CHD9: variants seen among roughly 807,000 people sequenced by gnomAD.
CHD9 encodes the protein ATP-dependent chromatin remodeler CHD9.
A neutral mutation model predicts 316.1 loss-of-function variants in CHD9; 77 were observed. The ratio of observed to expected loss-of-function variants is 0.24; its 90% CI spans 0.20 to 0.29. CHD9 has a LOEUF of 0.29. Among genes scored for constraint, CHD9 ranks in the 10% least tolerant of loss-of-function variants. The pLI is 1.00. For synonymous variants in CHD9, 1,129 were observed against 1,158.3 expected (o/e 0.97, Z 0.51); for missense variants, 2,763 against 3,438.1 (o/e 0.80, Z 4.91).
intron 1 of CHD9, among the ~76,000 whole-genome samples, chr16:53,149,172 A>T (rs1003683508): frequency 6.6e-6 from 1 of 152,196 alleles, no homozygotes; most frequent in South Asian, 2.1e-4. Context: ...TTTGTGGCCT[A>T]CCATATGGCC....
intron 2 of CHD9, among the ~76,000 whole-genome samples, chr16:53,161,276 TTAAA>T (rs1156743126): frequency 6.6e-6 from 1 of 152,204 alleles, no homozygotes; most frequent in Non-Finnish European, 1.5e-5. Flanking sequence ...GTCACACATC[TTAAA>T]TATATGAAAT....
chr16:53,265,774 TTAAC>T (rs1284143602), intron 20 of CHD9, among the ~76,000 whole-genome samples: 1 of 152,138 alleles, frequency 6.6e-6, no homozygotes, highest in East Asian at 1.9e-4. Context: ...ATTGGCATAT[TTAAC>T]TATACAAGAC....
chr16:53,297,337 A>G (rs1221042701), intron 30 of CHD9, among the ~76,000 whole-genome samples, 179 bp downstream of exon 30: 1 of 152,240 alleles, frequency 6.6e-6, no homozygotes, highest in Non-Finnish European at 1.5e-5. Context: ...TAATCCTGCT[A>G]TTAAAACGAG....
At chr16:53,265,582 G>A (rs1162592274) in intron 20 of CHD9, among the ~76,000 whole-genome samples, 1 of 152,156 alleles carries the variant, frequency 6.6e-6, no homozygotes, top group Non-Finnish European at 1.5e-5. Flanking sequence ...ATGGTGATTA[G>A]GATATTGGAT....
chr16:53,324,067 T>C lies in CHD9; in HGVS notation c.7866T>C (p.Val2622=), dbSNP rs751087395. ...ATGAACGTATTCTCACTGGTCCCGT[T>C]GTGAGAGAGGAAGTAAGCAGGCGGG... ...SMYERILTGP[V]VREEVSRRGR... The change falls in exon 39 of 39, where the codon GTT becomes GTC. Residue 2622 remains valine (V), a synonymous_variant. Coordinates refer to ENST00000447540, the MANE Select transcript of CHD9 (RefSeq NM_001308319.2). The C allele has an allele frequency of 3.7e-6, 6 of 1,613,832 alleles. No individual in the cohort carries two copies. Among genetic ancestry groups the C allele is most frequent in the Non-Finnish European group, 4.2e-6 (5 of 1,179,760 alleles).
intron 2 of CHD9, among the ~76,000 whole-genome samples, chr16:53,207,439 C>T (rs997263468): frequency 6.6e-6 from 1 of 152,150 alleles, no homozygotes; most frequent in Non-Finnish European, 1.5e-5. Context: ...ACAATTTTAA[C>T]ATTGTTAGTA....
At chr16:53,305,676 G>T (rs1458533937) in intron 31 of CHD9, among the ~76,000 whole-genome samples, 1 of 152,172 alleles carries the variant, frequency 6.6e-6, no homozygotes, top group African/African-American at 2.4e-5. Flanking sequence ...AACAGTGTTT[G>T]GTGGTCCCCT....
At chr16:53,199,067 A>G (rs2045215454) in intron 2 of CHD9, among the ~76,000 whole-genome samples, 1 of 152,080 alleles carries the variant, frequency 6.6e-6, no homozygotes. Context: ...CCAAACTGCA[A>G]AGTTAGCACA....
In CHD9 at chr16:53,178,066, C is replaced by T. The variant is rs150099788; in HGVS notation, c.1452+20525C>T. Reference sequence around the variant, plus strand: ...AGGGAATAGGCTCAGGCAGGTTCTGCAAGTGGGTATGAGACTGTTGGGGCA... The same window carrying T: ...AGGGAATAGGCTCAGGCAGGTTCTGTAAGTGGGTATGAGACTGTTGGGGCA... On this transcript the variant is annotated intron_variant, in intron 2 of 38. Transcript: ENST00000447540. 4.1e-3 allele frequency among the ~76,000 whole-genome samples: 620 copies of T among 152,258 alleles called. 4 individuals carry two copies. Among genetic ancestry groups the T allele is most frequent in the African/African-American group, 0.014 (594 of 41,542 alleles).
chr16:53,082,923 C>G lies in CHD9; in HGVS notation c.-165+27846C>G, dbSNP rs138840871. On this transcript the variant is annotated intron_variant, in intron 1 of 38. Coordinates refer to ENST00000447540, the MANE Select transcript of CHD9 (RefSeq NM_001308319.2). ...TTGTGTCCTCTATCTGAGTGCTCAC[C>G]CTGCTGAACTGTGGTTTCCCATCAG... Among the ~76,000 whole-genome samples, 218 of 152,314 alleles carry G rather than the reference C, an allele frequency of 1.4e-3. 3 individuals are homozygous for G. The highest frequency in any genetic ancestry group is 4.7e-3 in the African/African-American group (196 of 41,564).
chr16:53,132,293 TTAAA>T (rs770652889), intron 1 of CHD9, among the ~76,000 whole-genome samples: 28 of 152,190 alleles, frequency 1.8e-4, no homozygotes, highest in Non-Finnish European at 2.4e-4. Flanking sequence ...TTCCCCTGTA[TTAAA>T]TAAAGTTTAT....
At chr16:53,101,127 A>G (rs2036838532) in intron 1 of CHD9, among the ~76,000 whole-genome samples, 1 of 152,174 alleles carries the variant, frequency 6.6e-6, no homozygotes, top group Non-Finnish European at 1.5e-5. Context: ...AAGCAGCCCC[A>G]CATAGCTTGT....
intron 1 of CHD9, among the ~76,000 whole-genome samples, chr16:53,129,874 C>T (rs895153050): frequency 6.6e-6 from 1 of 152,126 alleles, no homozygotes; most frequent in Non-Finnish European, 1.5e-5. Context: ...CTTGTGCAGC[C>T]TCTTCCTTTT....
At chr16:53,296,857 C>T in intron 29 of CHD9, 99 bp from the exon 30 acceptor site, 10 of 769,568 alleles carry the variant, frequency 1.3e-5, no homozygotes, top group Non-Finnish European at 1.9e-5. Flanking sequence ...GTGTTAGGTA[C>T]TTGAAATGTT....
chr16:53,210,513 G>A (rs911893454), intron 3 of CHD9, among the ~76,000 whole-genome samples: 4 of 152,044 alleles, frequency 2.6e-5, no homozygotes, highest in African/African-American at 9.7e-5. Flanking sequence ...ATAAAATACA[G>A]TAAATGTTAT....
At chr16:53,292,006 G>C (rs1037322805) in intron 28 of CHD9, among the ~76,000 whole-genome samples, 1 of 152,184 alleles carries the variant, frequency 6.6e-6, no homozygotes, top group Non-Finnish European at 1.5e-5. Context: ...ATGACATTAT[G>C]ACTTGACTAT....
chr16:53,226,215 C>T, intron 4 of CHD9, 151 bp from the exon 5 acceptor site: 1 of 481,596 alleles, frequency 2.1e-6, no homozygotes, highest in Non-Finnish European at 3.5e-6. Flanking sequence ...TTATAATCTT[C>T]CTCTAATTAA....
chr16:53,262,968 C>T lies in CHD9; in HGVS notation c.4210-19C>T. 1 of 1,580,182 alleles carries T rather than the reference C, an allele frequency of 6.3e-7. No homozygotes were observed. Among genetic ancestry groups the T allele is most frequent in the Non-Finnish European group, 8.7e-7 (1 of 1,150,210 alleles). On this transcript the variant is annotated intron_variant, in intron 19 of 38. Coordinates refer to ENST00000447540, the MANE Select transcript of CHD9 (RefSeq NM_001308319.2). Reference sequence around the variant, plus strand: ...ACTTTGATAGATTTTTCCTCTAAAACTGCCATTATATATTTCAGGCGAGTT... The same window carrying T: ...ACTTTGATAGATTTTTCCTCTAAAATTGCCATTATATATTTCAGGCGAGTT...
chr16:53,322,957 G>A (rs915533752), intron 38 of CHD9, among the ~76,000 whole-genome samples: 2 of 152,076 alleles, frequency 1.3e-5, no homozygotes, highest in African/African-American at 2.4e-5. Context: ...GAGCCCTGAT[G>A]CCTTTGTAAA....
Sources: gnomAD v4.1 joint callset for allele counts (sites outside exome capture counted in the v4.1 genomes callset) on GRCh38, gnomAD v4.1.1 for gene constraint, MANE v1.5 for transcripts, NCBI Gene and HGNC (gene_info 2026-07-23, HGNC 2026-07-21) for gene names.